ANKRD12: variants seen among roughly 807,000 people sequenced by gnomAD.
The protein encoded by ANKRD12 is ankyrin repeat domain 12, also known as ankyrin repeat domain-containing protein 12.
In ANKRD12, 85 loss-of-function variants were observed where a neutral mutation model predicts 183.4. That is an observed-to-expected ratio of 0.46 (90% CI 0.39 to 0.56). ANKRD12 has a LOEUF of 0.56. ANKRD12 is among the 20% of genes least tolerant of loss of function. The probability of loss-of-function intolerance (pLI) is 0.00; values close to 1 mark genes in which losing one functional copy is unlikely to be tolerated. For missense variants in ANKRD12, 2,405 were observed against 2,357.1 expected, an observed-to-expected ratio of 1.02 and a Z score of -0.42; for synonymous variants, 914 against 800.2, an observed-to-expected ratio of 1.14 and a Z score of -2.40.
chr18:9,227,143 A>G (rs1049408487), intron 8 of ANKRD12, among the ~76,000 whole-genome samples: 2 of 152,174 alleles, frequency 1.3e-5, no homozygotes, highest in African/African-American at 2.4e-5. Context: ...GCCATGATGC[A>G]TTTAATTTAC....
chr18:9,254,880 T>C lies in ANKRD12; in HGVS notation c.1613T>C (p.Ile538Thr), dbSNP rs868150764. The stretch of plus-strand genomic sequence containing the variant: ...GATACTTCATTACATTTATTTCATA[T>C]TTCCACTGGTAAATCTCCCAAACAT... ...KDDTSLHLFH[I>T]STGKSPKHSC... Residue 538 changes from isoleucine (I) to threonine (T), a missense_variant, in exon 9 of 13, where the codon ATT becomes ACT. Transcript: ENST00000262126. The C allele has an allele frequency of 1.5e-5, 23 of 1,539,480 alleles. 1 individual carries two copies. In the Middle Eastern group the frequency reaches 3.3e-3, roughly 222 times the overall value.
At chr18:9,232,467 T>C (rs781243891) in intron 8 of ANKRD12, among the ~76,000 whole-genome samples, 37 of 152,350 alleles carry the variant, frequency 2.4e-4, no homozygotes, top group South Asian at 8.3e-4. Flanking sequence ...AGGTTTCTGC[T>C]GAGAAGTCTG....
In ANKRD12 at chr18:9,284,388, C is replaced by T. The variant is rs577225034; in HGVS notation, c.*3262C>T. 22 of 151,462 alleles carry T rather than the reference C, an allele frequency of 1.5e-4. No individual in the cohort carries two copies. Among genetic ancestry groups the T allele is most frequent in the African/African-American group, 5.3e-4 (22 of 41,392 alleles). The allele number at this position is 151,462 out of a possible 1,614,324, so 9.4% of individuals were successfully genotyped here. A position where few individuals can be genotyped will look rare whatever the true frequency, so the allele number is the denominator to read the frequency against. On this transcript the variant is annotated 3_prime_UTR_variant, in exon 13 of 13. Transcript: ENST00000262126. ...GTGCAGACCTAAATACATAGTTTTC[C>T]AAAAAGAAAATTATTGTCTCTGATA...
At chr18:9,195,777 T>C (rs2034749873) in intron 3 of ANKRD12, 79 bp downstream of exon 3, 5 of 1,271,954 alleles carry the variant, frequency 3.9e-6, no homozygotes, top group Admixed American at 2.3e-5. Flanking sequence ...ACCACTCCTC[T>C]TGACACCCCA....
intron 8 of ANKRD12, among the ~76,000 whole-genome samples, chr18:9,244,464 T>G (rs1448128618): frequency 2.0e-5 from 3 of 152,108 alleles, no homozygotes; most frequent in African/African-American, 7.2e-5. Context: ...GGACTATAGA[T>G]GTGTGCTACT....
intron 8 of ANKRD12, among the ~76,000 whole-genome samples, chr18:9,236,578 A>G (rs539879515): frequency 2.0e-5 from 3 of 152,108 alleles, no homozygotes; most frequent in African/African-American, 7.3e-5. Context: ...TCCAAAACAT[A>G]GAGCAAAAAT....
chr18:9,205,637 T>TA (rs1162460668), intron 4 of ANKRD12, among the ~76,000 whole-genome samples: 2 of 152,148 alleles, frequency 1.3e-5, no homozygotes, highest in African/African-American at 4.8e-5. Context: ...AAGAGCTGTA[T>TA]GTATATGAAG....
intron 2 of ANKRD12, among the ~76,000 whole-genome samples, chr18:9,188,681 A>C (rs1312231293): frequency 6.6e-6 from 1 of 152,258 alleles, no homozygotes; most frequent in Non-Finnish European, 1.5e-5. Flanking sequence ...AACAGCATGT[A>C]CTCACTTGTC....
At chr18:9,210,641 T>G (rs1203635288) in intron 5 of ANKRD12, among the ~76,000 whole-genome samples, 2 of 143,092 alleles carry the variant, frequency 1.4e-5, no homozygotes, top group Non-Finnish European at 3.0e-5. Context: ...GAATTTCATT[T>G]CTTGAACCCG....
rs2038787465 is a variant in ANKRD12 at position 9,258,662 on chromosome 18, A to T, written c.5395A>T (p.Ser1799Cys). 6.2e-7 allele frequency: 1 copy of T among 1,613,934 alleles called. No individual in the cohort carries two copies. The highest frequency in any genetic ancestry group is 8.5e-7 in the Non-Finnish European group (1 of 1,179,900). ...VSRVPQPVQV[S>C]PSLLQAKEKT... Reference sequence around the variant, plus strand: ...ACGTGTACCTCAGCCTGTGCAAGTGAGTCCCTCTTTACTACAAGCAAAAGA... The same window carrying T: ...ACGTGTACCTCAGCCTGTGCAAGTGTGTCCCTCTTTACTACAAGCAAAAGA... Residue 1799 changes from serine to cysteine, a missense_variant, in exon 9 of 13, where the codon AGT becomes TGT. Physicochemically the swap from Ser to Cys is moderately radical, Grantham distance 112. Coordinates refer to ENST00000262126, the MANE Select transcript of ANKRD12 (RefSeq NM_015208.5).
intron 1 of ANKRD12, among the ~76,000 whole-genome samples, chr18:9,153,702 C>T (rs2029948425): frequency 6.6e-6 from 1 of 151,378 alleles, no homozygotes; most frequent in Non-Finnish European, 1.5e-5. Context: ...ACTTTGTTTT[C>T]TTCATTTTCT....
intron 11 of ANKRD12, 102 bp downstream of exon 11, chr18:9,275,769 A>G (rs1463878057): frequency 8.4e-7 from 1 of 1,194,824 alleles, no homozygotes; most frequent in Admixed American, 2.6e-5. Flanking sequence ...CTCAACAATC[A>G]TTAAAGGTCA....
At chr18:9,204,374 TA>T (rs2144549700) in intron 3 of ANKRD12, 101 bp from the exon 4 acceptor site, 2 of 790,210 alleles carry the variant, frequency 2.5e-6, no homozygotes, top group South Asian at 3.3e-5. Context: ...AAAACAATAA[TA>T]GCTTATTAAC....
intron 1 of ANKRD12, among the ~76,000 whole-genome samples, chr18:9,169,968 AT>A (rs1216263372): frequency 1.3e-5 from 2 of 152,140 alleles, no homozygotes; most frequent in African/African-American, 4.8e-5. Context: ...TCCTTCACTT[AT>A]GAAGCTTAGT....
At chr18:9,245,267 T>A (rs1246134855) in intron 8 of ANKRD12, among the ~76,000 whole-genome samples, 1 of 149,020 alleles carries the variant, frequency 6.7e-6, no homozygotes, top group Non-Finnish European at 1.5e-5. Context: ...CTGGGCAACA[T>A]GGCAAAACCC....
intron 1 of ANKRD12, among the ~76,000 whole-genome samples, chr18:9,179,841 C>CG (rs1567884435): frequency 6.6e-6 from 1 of 152,132 alleles, no homozygotes; most frequent in Non-Finnish European, 1.5e-5. Flanking sequence ...TTATTGTCTA[C>CG]GAGCAAACTT....
intron 1 of ANKRD12, among the ~76,000 whole-genome samples, chr18:9,177,440 G>A (rs922999320): frequency 2.7e-5 from 4 of 147,940 alleles, no homozygotes; most frequent in East Asian, 3.9e-4. Context: ...AAAATTAATC[G>A]TTTAATTGAC....
At chr18:9,197,696 A>G (rs2034925656) in intron 3 of ANKRD12, among the ~76,000 whole-genome samples, 1 of 152,230 alleles carries the variant, frequency 6.6e-6, no homozygotes, top group Admixed American at 6.5e-5. Flanking sequence ...AGAACAGAAA[A>G]TATATTTACT....
intron 8 of ANKRD12, among the ~76,000 whole-genome samples, chr18:9,243,446 A>G (rs1172392543): frequency 6.6e-6 from 1 of 152,224 alleles, no homozygotes; most frequent in Non-Finnish European, 1.5e-5. Flanking sequence ...AGGAAAATCA[A>G]GTGAATGACA....
Sources: gnomAD v4.1 joint callset for allele counts (sites outside exome capture counted in the v4.1 genomes callset) on GRCh38, gnomAD v4.1.1 for gene constraint, MANE v1.5 for transcripts, NCBI Gene and HGNC (gene_info 2026-07-23, HGNC 2026-07-21) for gene names.